ZNF385D: variants seen among roughly 807,000 people sequenced by gnomAD.
ZNF385D encodes the protein zinc finger protein 385D.
Under a neutral mutation model 35.8 loss-of-function variants are expected in ZNF385D, and 15 were observed. That is an observed-to-expected ratio of 0.42 (90% confidence interval 0.28 to 0.64). The LOEUF is 0.64. Among genes scored for constraint, ZNF385D ranks in the 30% least tolerant of loss-of-function variants. The probability of loss-of-function intolerance (pLI) is 0.23; values close to 1 mark genes in which losing one functional copy is unlikely to be tolerated. For synonymous variants in ZNF385D, 212 were observed against 186.8 expected, an observed-to-expected ratio of 1.13 and a Z score of -1.10; for missense variants, 474 against 494.6, an observed-to-expected ratio of 0.96 and a Z score of 0.39.
upstream of ZNF385D, among the ~76,000 whole-genome samples, chr3:21,755,365 G>A (rs915944057): frequency 2.0e-5 from 3 of 152,082 alleles, no homozygotes; most frequent in Admixed American, 6.6e-5. Context: ...CACCAAGGTC[G>A]TTAAGGTTTT....
chr3:21,530,014 T>A (rs531605202), intron 3 of ZNF385D, among the ~76,000 whole-genome samples: 124 of 152,196 alleles, frequency 8.1e-4, no homozygotes, highest in African/African-American at 3.0e-3. Context: ...ATTGACTTAG[T>A]GCCATCCCCT....
intron 3 of ZNF385D, among the ~76,000 whole-genome samples, chr3:21,906,174 T>C (rs1699675572): frequency 6.6e-6 from 1 of 152,212 alleles, no homozygotes; most frequent in South Asian, 2.1e-4. Context: ...AAATCATTTG[T>C]TCATCCTTCT....
At chr3:21,915,553 G>A (rs1393301896) in intron 3 of ZNF385D, among the ~76,000 whole-genome samples, 1 of 151,946 alleles carries the variant, frequency 6.6e-6, no homozygotes, top group East Asian at 1.9e-4. Context: ...TGCCTGTATT[G>A]ATGCTTTGTA....
At chr3:22,227,551 A>AT (rs1167919683) in intron 2 of ZNF385D, among the ~76,000 whole-genome samples, 1 of 152,280 alleles carries the variant, frequency 6.6e-6, no homozygotes, top group East Asian at 1.9e-4. Flanking sequence ...TGAAGTCTCC[A>AT]TAAAAGGCCT....
Position 22,314,087 on chromosome 3 carries a change from A to C in ZNF385D, c.106+58363T>G, listed in dbSNP as rs148365867. On this transcript the variant is annotated intron_variant, in intron 2 of 5. Transcript: ENST00000494108. ...GATTTTTTTCATTATAATTCCCCTAAAGACACTTTACTTTTTTAAACTGTT... is the reference window on the plus strand; with the variant it reads ...GATTTTTTTCATTATAATTCCCCTACAGACACTTTACTTTTTTAAACTGTT... Among the ~76,000 whole-genome samples, 613 of 152,080 alleles carry C rather than the reference A, an allele frequency of 4.0e-3. 8 individuals are homozygous for C. The South Asian group carries it at 0.049, about 12-fold the overall frequency.
At chr3:22,349,421 A>G (rs959631463) in intron 2 of ZNF385D, among the ~76,000 whole-genome samples, 12 of 152,204 alleles carry the variant, frequency 7.9e-5, no homozygotes, top group African/African-American at 2.9e-4. Flanking sequence ...TTTGAGTTCT[A>G]GTGGCAATGC....
chr3:22,148,405 T>A (rs2125715117), intron 3 of ZNF385D, among the ~76,000 whole-genome samples: 1 of 152,342 alleles, frequency 6.6e-6, no homozygotes, highest in Non-Finnish European at 1.5e-5. Flanking sequence ...CCACCCAGAT[T>A]CTTCTATTAA....
chr3:22,352,175 T>C (rs917546158), intron 2 of ZNF385D, among the ~76,000 whole-genome samples: 8 of 152,202 alleles, frequency 5.3e-5, no homozygotes, highest in African/African-American at 1.9e-4. Context: ...TTACAATCCT[T>C]ACTTTTCCCG....
rs138488077 is a variant in ZNF385D at position 22,162,852 on chromosome 3, A to G, written c.325+5965T>C. Among the ~76,000 whole-genome samples, 524 of 152,290 alleles carry G rather than the reference A, an allele frequency of 3.4e-3. 3 individuals are homozygous for G. The highest frequency in any genetic ancestry group is 0.012 in the African/African-American group (489 of 41,570). ...CAGAGAGAGAGGACAATTCTCCTTA[A>G]CAACTTTAAAAATCATTGGTAGTGT... is the stretch of plus-strand genomic sequence containing the variant. On this transcript the variant is annotated intron_variant, in intron 3 of 5. Transcript: ENST00000494108.
chr3:21,939,408 C>T (rs1255920795), intron 3 of ZNF385D, among the ~76,000 whole-genome samples: 2 of 152,060 alleles, frequency 1.3e-5, no homozygotes, highest in African/African-American at 4.8e-5. Flanking sequence ...CATAGTTTGA[C>T]CTGACTGTAC....
At chr3:22,181,697 CAAAAA>C (rs71620745) in intron 2 of ZNF385D, among the ~76,000 whole-genome samples, 1 of 83,716 alleles carries the variant, frequency 1.2e-5, no homozygotes, top group Non-Finnish European at 2.4e-5. Flanking sequence ...GACTCCGTCT[CAAAAA>C]AAAAAAAAAA....
At chr3:22,286,985 A>G (rs1364411487) in intron 2 of ZNF385D, among the ~76,000 whole-genome samples, 1 of 152,058 alleles carries the variant, frequency 6.6e-6, no homozygotes, top group Non-Finnish European at 1.5e-5. Context: ...TTGATCCCCT[A>G]CAATTAATGT....
Position 21,420,954 on chromosome 3 carries a change from C to T in ZNF385D, c.*260G>A. 1 of 448,034 alleles carries T rather than the reference C, an allele frequency of 2.2e-6. No homozygotes were observed. The highest frequency in any genetic ancestry group is 2.7e-5 in the South Asian group (1 of 36,860). 27.8% of individuals were successfully genotyped at this position (448,034 alleles called of 1,614,324 possible). A position where few individuals can be genotyped will look rare whatever the true frequency, so the allele number is the denominator to read the frequency against. ...ACAGAGGCTTCAGAAGGTCTAGATA[C>T]CACTACAAATCAATGCTGGAGATCA... On this transcript the variant is annotated 3_prime_UTR_variant, in exon 8 of 8. Transcript: ENST00000281523.
At chr3:22,079,164 G>A (rs926508276) in intron 3 of ZNF385D, among the ~76,000 whole-genome samples, 1 of 151,998 alleles carries the variant, frequency 6.6e-6, no homozygotes, top group Non-Finnish European at 1.5e-5. Context: ...ATTAGCCAAT[G>A]CTAAACTTGA....
At chr3:21,645,808 C>T (rs1002967944) in intron 2 of ZNF385D, among the ~76,000 whole-genome samples, 1 of 152,158 alleles carries the variant, frequency 6.6e-6, no homozygotes, top group African/African-American at 2.4e-5. Context: ...TCCCTCATTA[C>T]TAAGTCACAG....
intron 3 of ZNF385D, among the ~76,000 whole-genome samples, chr3:21,977,008 A>C (rs1245068863): frequency 6.6e-6 from 1 of 152,124 alleles, no homozygotes; most frequent in Non-Finnish European, 1.5e-5. Flanking sequence ...TAATAATAAT[A>C]ATAAACCACT....
At chr3:22,204,979 C>CAAAAAAAAAAAAA (rs761954306) in intron 2 of ZNF385D, among the ~76,000 whole-genome samples, 1 of 92,982 alleles carries the variant, frequency 1.1e-5, no homozygotes, top group Non-Finnish European at 2.1e-5. Flanking sequence ...TGACCAAATC[C>CAAAAAAAAAAAAA]AAAAAAAAAA....
chr3:21,704,747 T>C (rs1357881819), intron 1 of ZNF385D, among the ~76,000 whole-genome samples: 1 of 152,180 alleles, frequency 6.6e-6, no homozygotes, highest in Non-Finnish European at 1.5e-5. Context: ...GTTTTGTTCA[T>C]CACAGTATCC....
chr3:22,022,478 T>A (rs76960441), intron 3 of ZNF385D, among the ~76,000 whole-genome samples: 1 of 152,082 alleles, frequency 6.6e-6, no homozygotes, highest in Non-Finnish European at 1.5e-5. Context: ...CATCAAGAAA[T>A]AACATACCAC....
Sources: gnomAD v4.1 joint callset for allele counts (sites outside exome capture counted in the v4.1 genomes callset) on GRCh38, gnomAD v4.1.1 for gene constraint, MANE v1.5 for transcripts, NCBI Gene and HGNC (gene_info 2026-07-23, HGNC 2026-07-21) for gene names.